The following NEDD4L variants were observed in gnomAD, a reference collection of about 807,000 sequenced individuals.
The protein encoded by NEDD4L is NEDD4 like E3 ubiquitin protein ligase.
NEDD4L carries 54 observed loss-of-function variants against 148.9 expected under a neutral mutation model. The observed-to-expected ratio is 0.36, with a 90% CI of 0.29 to 0.45. NEDD4L has a LOEUF of 0.45. Ranked by LOEUF, NEDD4L falls within the 20% of genes least tolerant of loss-of-function variation. The pLI is 1.00. For missense variants in NEDD4L, 856 were observed against 1,233.8 expected (o/e 0.69, Z 4.59); for synonymous variants, 433 against 440.7 (o/e 0.98, Z 0.22).
At chr18:58,078,720 G>A (rs139852839) in intron 1 of NEDD4L, among the ~76,000 whole-genome samples, 1,695 of 152,320 alleles carry the variant, frequency 0.011, 22 homozygotes, top group Middle Eastern at 0.041. Flanking sequence ...TTCTTGAGGT[G>A]AAAGTGATGT....
chr18:58,155,132 T>G (rs1052018572), intron 1 of NEDD4L, among the ~76,000 whole-genome samples: 1 of 152,228 alleles, frequency 6.6e-6, no homozygotes, highest in Non-Finnish European at 1.5e-5. Flanking sequence ...CCTAAAGTTC[T>G]TGTTTGTTTT....
At chr18:58,072,111 G>T (rs1465538802) in intron 1 of NEDD4L, among the ~76,000 whole-genome samples, 1 of 152,146 alleles carries the variant, frequency 6.6e-6, no homozygotes, top group Non-Finnish European at 1.5e-5. Flanking sequence ...CCAATAACAG[G>T]TAAAGAGATT....
chr18:58,124,118 C>T (rs1167601260), intron 1 of NEDD4L, among the ~76,000 whole-genome samples: 6 of 152,250 alleles, frequency 3.9e-5, no homozygotes, highest in Middle Eastern at 3.4e-3. Flanking sequence ...GCCTGCCTTC[C>T]GATTGCCCCT....
chr18:58,338,987 A>G (rs1211234118), intron 13 of NEDD4L, among the ~76,000 whole-genome samples: 1 of 152,216 alleles, frequency 6.6e-6, no homozygotes, highest in Non-Finnish European at 1.5e-5. Flanking sequence ...GACATGATCT[A>G]TGACACATCC....
rs1397254094 is a variant in NEDD4L at position 58,134,441 on chromosome 18, C to T, written c.49-31347C>T. 9.2e-4 allele frequency among the ~76,000 whole-genome samples: 2 copies of T among 2,166 alleles called. 1 individual carries two copies. Among genetic ancestry groups the T allele is most frequent in the Non-Finnish European group, 1.5e-3 (2 of 1,302 alleles). 1.4% of individuals were successfully genotyped at this position (2,166 alleles called of 152,430 possible). On this transcript the variant is annotated intron_variant, in intron 1 of 30. Coordinates refer to ENST00000400345, the MANE Select transcript of NEDD4L (RefSeq NM_001144967.3). Reference sequence around the variant, plus strand: ...AGGCTGGAGTGCAGTGGCGCAATCTCGGCTCACTGCAAGCTCCGCCTCCCG... The same window carrying T: ...AGGCTGGAGTGCAGTGGCGCAATCTTGGCTCACTGCAAGCTCCGCCTCCCG...
At chr18:58,174,611 C>T (rs962490248) in intron 2 of NEDD4L, among the ~76,000 whole-genome samples, 17 of 152,082 alleles carry the variant, frequency 1.1e-4, no homozygotes, top group African/African-American at 3.6e-4. Flanking sequence ...GTTTCTTGTA[C>T]GTACTGTGTA....
chr18:58,070,923 G>A (rs2082839164), intron 1 of NEDD4L, among the ~76,000 whole-genome samples: 1 of 152,000 alleles, frequency 6.6e-6, no homozygotes, highest in Non-Finnish European at 1.5e-5. Context: ...CTGGGATGGG[G>A]GAAGAATTTG....
chr18:58,184,745 G>A (rs563986465), intron 2 of NEDD4L, among the ~76,000 whole-genome samples: 7 of 152,134 alleles, frequency 4.6e-5, no homozygotes, highest in South Asian at 2.1e-4. Flanking sequence ...TGGCTAACAC[G>A]GTGAAACCCC....
chr18:58,376,432 A>G (rs2047566616), intron 24 of NEDD4L, among the ~76,000 whole-genome samples: 1 of 152,200 alleles, frequency 6.6e-6, no homozygotes, highest in Non-Finnish European at 1.5e-5. Flanking sequence ...TGAGAGAGCT[A>G]TCCTGATTAA....
intron 1 of NEDD4L, among the ~76,000 whole-genome samples, chr18:58,157,538 G>A (rs2035657859): frequency 6.6e-6 from 1 of 151,916 alleles, no homozygotes; most frequent in African/African-American, 2.4e-5. Flanking sequence ...AGCATCTCTT[G>A]ATTGTCATTC....
chr18:58,342,828 T>C (rs2042599135), intron 15 of NEDD4L, 78 bp from the exon 16 acceptor site: 2 of 1,159,600 alleles, frequency 1.7e-6, no homozygotes, highest in Non-Finnish European at 2.3e-6. Context: ...AGAGAAGCCT[T>C]CTGCAATACC....
At chr18:58,244,240 C>A (rs1304326462) in intron 2 of NEDD4L, among the ~76,000 whole-genome samples, 1 of 152,138 alleles carries the variant, frequency 6.6e-6, no homozygotes, top group Non-Finnish European at 1.5e-5. Context: ...ATCTGATGAA[C>A]TGATAGCAAT....
Position 58,387,275 on chromosome 18 carries a change from G to A in NEDD4L, c.2488-164G>A, listed in dbSNP as rs965066250. The stretch of plus-strand genomic sequence containing the variant: ...TTCGAAACTGTTATATTGTGACTGT[G>A]CTGTTTTTACTGGAACTATAGTTAC... On this transcript the variant is annotated intron_variant, in intron 26 of 30. Transcript: ENST00000400345. Among the ~76,000 whole-genome samples, 19 of 152,226 alleles carry A rather than the reference G, an allele frequency of 1.2e-4. 1 individual carries two copies. Among genetic ancestry groups the A allele is most frequent in the African/African-American group, 4.6e-4 (19 of 41,542 alleles).
chr18:58,112,131 T>A (rs2085459901), intron 1 of NEDD4L, among the ~76,000 whole-genome samples: 1 of 152,256 alleles, frequency 6.6e-6, no homozygotes, highest in East Asian at 1.9e-4. Flanking sequence ...GATTTGTCCG[T>A]GTCAACATGT....
At chr18:58,172,132 T>C (rs1373913327) in intron 2 of NEDD4L, among the ~76,000 whole-genome samples, 3 of 151,540 alleles carry the variant, frequency 2.0e-5, no homozygotes, top group Non-Finnish European at 4.4e-5. Flanking sequence ...GAGTGATGGG[T>C]TAGGGAGGAC....
chr18:58,094,194 CT>C (rs1041855993), intron 1 of NEDD4L, among the ~76,000 whole-genome samples: 1 of 146,224 alleles, frequency 6.8e-6, no homozygotes, highest in Non-Finnish European at 1.5e-5. Flanking sequence ...TTTTTCTTTT[CT>C]TTTTTTTGAG....
At chr18:58,104,766 G>C (rs1344381360) in intron 1 of NEDD4L, among the ~76,000 whole-genome samples, 1 of 151,922 alleles carries the variant, frequency 6.6e-6, no homozygotes, top group Non-Finnish European at 1.5e-5. Flanking sequence ...CACTAACATT[G>C]TTTTGCACCG....
intron 1 of NEDD4L, among the ~76,000 whole-genome samples, chr18:58,109,864 G>A (rs997136692): frequency 7.2e-5 from 11 of 152,134 alleles, no homozygotes; most frequent in African/African-American, 2.2e-4. Context: ...CACCAAACCC[G>A]GCTGACTAGG....
intron 1 of NEDD4L, among the ~76,000 whole-genome samples, chr18:58,083,612 C>T (rs1269028480): frequency 2.6e-5 from 4 of 152,024 alleles, no homozygotes; most frequent in Admixed American, 6.6e-5. Flanking sequence ...GGCATGAACT[C>T]GGGAGGCAGA....
Sources: allele counts gnomAD v4.1 joint callset (sites outside exome capture counted in the v4.1 genomes callset), GRCh38; gene constraint gnomAD v4.1.1; transcripts MANE v1.5; gene names NCBI Gene and HGNC (gene_info 2026-07-23, HGNC 2026-07-21).